The following LRRC4C variants were observed in gnomAD, a reference collection of about 807,000 sequenced individuals.
LRRC4C encodes the protein leucine-rich repeat-containing protein 4C.
Under a neutral mutation model 33.6 loss-of-function variants are expected in LRRC4C, and 5 were observed. The observed-to-expected ratio is 0.15, with a 90% CI of 0.08 to 0.31. The LOEUF is 0.31. Ranked by LOEUF, LRRC4C falls within the 10% of genes least tolerant of loss-of-function variation. The pLI is 1.00. For missense variants in LRRC4C, 560 were observed against 796.7 expected (o/e 0.70, Z 3.58); for synonymous variants, 329 against 302.0 (o/e 1.09, Z -0.93).
chr11:40,286,366 G>C (rs943365237), intron 4 of LRRC4C, among the ~76,000 whole-genome samples: 1 of 151,994 alleles, frequency 6.6e-6, no homozygotes, highest in Non-Finnish European at 1.5e-5. Flanking sequence ...GTAAACCCGG[G>C]AAGTGTTGAA....
chr11:41,176,738 G>A (rs1007283253), intron 1 of LRRC4C, among the ~76,000 whole-genome samples: 4 of 152,054 alleles, frequency 2.6e-5, no homozygotes, highest in East Asian at 3.9e-4. Flanking sequence ...TGACGCAGGC[G>A]GATTGCCTGA....
intron 5 of LRRC4C, among the ~76,000 whole-genome samples, chr11:40,200,758 T>A: frequency 4.6e-5 from 2 of 43,284 alleles, no homozygotes; most frequent in East Asian, 6.0e-4. Flanking sequence ...AGAGCGAGAC[T>A]CCATCTCAAA....
rs61886612 is a variant in LRRC4C at position 40,887,178 on chromosome 11, C to T, written c.-407+46457G>A. Among the ~76,000 whole-genome samples the T allele has an allele frequency of 5.8e-3, 861 of 148,770 alleles. 3 individuals are homozygous for T. Among genetic ancestry groups the T allele is most frequent in the Non-Finnish European group, 0.01 (690 of 67,070 alleles). On this transcript the variant is annotated intron_variant, in intron 2 of 6. Transcript: ENST00000528697. ...AAGGAACTATTTGATGAGAAAACCT[C>T]CTTTACAAAAGTCTTCCAGCTAATA... is the stretch of plus-strand genomic sequence containing the variant.
At chr11:41,024,738 G>A (rs1856222271) in intron 1 of LRRC4C, among the ~76,000 whole-genome samples, 1 of 151,574 alleles carries the variant, frequency 6.6e-6, no homozygotes, top group Admixed American at 6.6e-5. Context: ...AATGATTACA[G>A]ACATATCTCA....
chr11:41,028,059 G>A (rs1033270281), intron 1 of LRRC4C, among the ~76,000 whole-genome samples: 6 of 151,498 alleles, frequency 4.0e-5, no homozygotes, highest in East Asian at 1.9e-4. Flanking sequence ...CTAGCACAAA[G>A]GGATGCCATT....
intron 3 of LRRC4C, among the ~76,000 whole-genome samples, chr11:40,360,169 A>G (rs1565311900): frequency 6.6e-6 from 1 of 152,256 alleles, no homozygotes; most frequent in African/African-American, 2.4e-5. Context: ...AGGTAAACAA[A>G]TGAAATGATC....
intron 6 of LRRC4C, among the ~76,000 whole-genome samples, chr11:40,132,401 T>C (rs2134831235): frequency 6.6e-6 from 1 of 152,280 alleles, no homozygotes; most frequent in Non-Finnish European, 1.5e-5. Flanking sequence ...ACTGGTGACA[T>C]TTTGTCACTC....
intron 1 of LRRC4C, among the ~76,000 whole-genome samples, chr11:41,118,981 T>G (rs2135748917): frequency 6.6e-6 from 1 of 152,276 alleles, no homozygotes; most frequent in East Asian, 1.9e-4. Flanking sequence ...ATTTGTTAAA[T>G]TTAAAAGACA....
intron 1 of LRRC4C, among the ~76,000 whole-genome samples, chr11:41,352,061 CAT>C (rs1234319836): frequency 2.6e-5 from 4 of 152,098 alleles, no homozygotes; most frequent in African/African-American, 9.7e-5. Context: ...ACTTAAAAGG[CAT>C]AGAGTGACAA....
chr11:41,060,547 T>G (rs1474960013), intron 1 of LRRC4C, among the ~76,000 whole-genome samples: 1 of 152,170 alleles, frequency 6.6e-6, no homozygotes, highest in Non-Finnish European at 1.5e-5. Flanking sequence ...GAGAGAAAAT[T>G]ATCTGGTTTC....
At position 40,940,639 on chromosome 11, in the gene LRRC4C, C is replaced by T. The variant is rs1293338922; in HGVS notation, c.-495-6916G>A. 3.9e-5 allele frequency among the ~76,000 whole-genome samples: 6 copies of T among 152,180 alleles called. 1 individual carries two copies. The Middle Eastern group carries it at 0.01, about 259-fold the overall frequency. ...TATCAAATTATATTATTCCTTCTTC[C>T]TTAAAACCTAAGTAGCTTTCTAATG... On this transcript the variant is annotated intron_variant, in intron 1 of 6. Coordinates refer to ENST00000528697, the MANE Select transcript of LRRC4C (RefSeq NM_001258419.2).
At chr11:41,139,973 T>C (rs1373045315) in intron 1 of LRRC4C, among the ~76,000 whole-genome samples, 1 of 152,160 alleles carries the variant, frequency 6.6e-6, no homozygotes, top group African/African-American at 2.4e-5. Context: ...AAGATAGCCC[T>C]TTGGCCATAT....
chr11:40,970,064 G>T (rs1380148668), intron 1 of LRRC4C, among the ~76,000 whole-genome samples: 1 of 152,128 alleles, frequency 6.6e-6, no homozygotes, highest in African/African-American at 2.4e-5. Context: ...GCTATGAGAA[G>T]CAGAGACCTG....
chr11:40,803,317 G>A (rs1345102512), intron 2 of LRRC4C, among the ~76,000 whole-genome samples: 1 of 152,070 alleles, frequency 6.6e-6, no homozygotes, highest in Non-Finnish European at 1.5e-5. Flanking sequence ...AGAGGACCAG[G>A]GTTTACAAAC....
At chr11:40,345,238 C>T (rs1026134219) in intron 3 of LRRC4C, among the ~76,000 whole-genome samples, 1 of 152,046 alleles carries the variant, frequency 6.6e-6, no homozygotes, top group African/African-American at 2.4e-5. Context: ...CCCAAATAGC[C>T]AAGACAATCC....
chr11:41,067,806 G>C (rs1938366773), intron 1 of LRRC4C, among the ~76,000 whole-genome samples: 1 of 152,124 alleles, frequency 6.6e-6, no homozygotes, highest in South Asian at 2.1e-4. Flanking sequence ...TGAATGACTT[G>C]GGGGTAAATA....
chr11:41,280,301 A>C (rs1949621453), intron 1 of LRRC4C, among the ~76,000 whole-genome samples: 1 of 152,192 alleles, frequency 6.6e-6, no homozygotes, highest in African/African-American at 2.4e-5. Context: ...TGTGAAGTGG[A>C]CCCTTAGCTG....
chr11:40,513,955 C>T (rs983740149), intron 3 of LRRC4C, among the ~76,000 whole-genome samples: 4 of 152,184 alleles, frequency 2.6e-5, no homozygotes, highest in African/African-American at 7.2e-5. Flanking sequence ...CCAACTGTCT[C>T]ACCTTAAACT....
chr11:41,138,191 A>G (rs1943349033), intron 1 of LRRC4C, among the ~76,000 whole-genome samples: 1 of 152,248 alleles, frequency 6.6e-6, no homozygotes, highest in Admixed American at 6.5e-5. Flanking sequence ...CTATGCTGAC[A>G]TCTCTTGAGC....
Sources: gnomAD v4.1 joint callset for allele counts (sites outside exome capture counted in the v4.1 genomes callset) on GRCh38, gnomAD v4.1.1 for gene constraint, MANE v1.5 for transcripts, NCBI Gene and HGNC (gene_info 2026-07-23, HGNC 2026-07-21) for gene names.